STAG2: variants seen among roughly 807,000 people sequenced by gnomAD.
The protein encoded by STAG2 is STAG2 cohesin complex component.
Under a neutral mutation model 108.1 loss-of-function variants are expected in STAG2, and 14 were observed. That is an observed-to-expected ratio of 0.13 (90% CI 0.09 to 0.20). The LOEUF is 0.20. Among genes scored for constraint, STAG2 ranks in the 10% least tolerant of loss-of-function variants. STAG2 has a pLI of 1.00. For missense variants in STAG2, 440 were observed against 940.9 expected, an observed-to-expected ratio of 0.47 and a Z score of 6.96; for synonymous variants, 307 against 302.7, an observed-to-expected ratio of 1.01 and a Z score of -0.15.
intron 1 of STAG2, among the ~76,000 whole-genome samples, chrX:124,009,040 A>G (rs1694128875): frequency 8.9e-6 from 1 of 111,779 alleles, no homozygotes; most frequent in East Asian, 2.8e-4. Context: ...AGTAGAGTGT[A>G]CTTTCAAGTC....
At chrX:123,970,754 C>T (rs1174848018) in intron 1 of STAG2, among the ~76,000 whole-genome samples, 1 of 111,973 alleles carries the variant, frequency 8.9e-6, no homozygotes, top group Non-Finnish European at 1.9e-5. Context: ...TAAAAAGTCA[C>T]TGACAGTGAC....
intron 6 of STAG2, 48 bp from the exon 7 acceptor site, chrX:124,042,521 A>AT (rs750274139): frequency 3.6e-5 from 35 of 964,900 alleles, no homozygotes; most frequent in Middle Eastern, 2.7e-4. Flanking sequence ...AGTTTTCTTT[A>AT]TTTTTTTATC....
chrX:123,965,582 C>T (rs2054058296), intron 1 of STAG2, among the ~76,000 whole-genome samples: 1 of 111,560 alleles, frequency 9.0e-6, no homozygotes, highest in Non-Finnish European at 1.9e-5. Context: ...TAACTGATAC[C>T]ACCCACAGTC....
chrX:124,101,613 G>A lies in STAG2; in HGVS notation c.*1016G>A, dbSNP rs763624758. On this transcript the variant is annotated 3_prime_UTR_variant, in exon 35 of 35. Coordinates refer to ENST00000371145, the MANE Select transcript of STAG2 (RefSeq NM_001042750.2). ...GAAAGTTTAACAATGTTTAAAAATA[G>A]AAAAGCATGAGTGTTCATGCTTTAA... 1 of 160,128 alleles carries A rather than the reference G, an allele frequency of 6.2e-6. No individual in the cohort carries two copies. The highest frequency in any genetic ancestry group is 1.2e-5 in the Non-Finnish European group (1 of 82,932). The allele number at this position is 160,128 out of a possible 1,213,427, so 13.2% of individuals were successfully genotyped here. A position where few individuals can be genotyped will look rare whatever the true frequency, so the allele number is the denominator to read the frequency against.
intron 25 of STAG2, 76 bp downstream of exon 25, chrX:124,071,399 G>T: frequency 2.5e-6 from 2 of 799,948 alleles, no homozygotes; most frequent in Non-Finnish European, 3.5e-6. Context: ...ATGTACATCG[G>T]TGCACTAAAA....
intron 1 of STAG2, among the ~76,000 whole-genome samples, chrX:123,973,112 A>G (rs979004664): frequency 1.8e-5 from 2 of 110,817 alleles, no homozygotes; most frequent in East Asian, 2.8e-4. Context: ...TTTAAATACT[A>G]TATTGCTGGT....
intron 19 of STAG2, 42 bp from the exon 20 acceptor site, chrX:124,063,806 A>G (rs760843101): frequency 3.5e-6 from 4 of 1,145,532 alleles, no homozygotes; most frequent in East Asian, 6.0e-5. Flanking sequence ...TATACCTATC[A>G]TATATGCCTT....
intron 1 of STAG2, among the ~76,000 whole-genome samples, chrX:124,016,251 C>T (rs1451232956): frequency 9.0e-6 from 1 of 110,935 alleles, no homozygotes; most frequent in Non-Finnish European, 1.9e-5. Context: ...GCGATCCTCC[C>T]ACCTCAGCCT....
At chrX:124,036,293 C>T (rs754818153) in intron 5 of STAG2, among the ~76,000 whole-genome samples, 3 of 112,296 alleles carry the variant, frequency 2.7e-5, no homozygotes, top group South Asian at 3.6e-4. Flanking sequence ...ACATTTCCCT[C>T]TCCCAACCTT....
At chrX:123,992,530 C>A (rs1365611797) in intron 1 of STAG2, among the ~76,000 whole-genome samples, 1 of 109,837 alleles carries the variant, frequency 9.1e-6, no homozygotes, top group Admixed American at 9.8e-5. Context: ...GGGAGAGTTT[C>A]ATGGAACAAA....
At chrX:124,082,015 A>G (rs767729506) in intron 28 of STAG2, among the ~76,000 whole-genome samples, 2 of 112,352 alleles carry the variant, frequency 1.8e-5, no homozygotes, top group East Asian at 5.6e-4. Flanking sequence ...AAAATGAGTT[A>G]GGATTAAAAC....
chrX:124,002,480 G>A (rs1226017453), intron 1 of STAG2, among the ~76,000 whole-genome samples: 1 of 111,534 alleles, frequency 9.0e-6, no homozygotes, highest in African/African-American at 3.3e-5. Flanking sequence ...CTGTAGATAC[G>A]TTAGTGATGA....
At chrX:124,095,148 C>T (rs980282175) in intron 33 of STAG2, among the ~76,000 whole-genome samples, 7 of 111,779 alleles carry the variant, frequency 6.3e-5, no homozygotes, top group Non-Finnish European at 1.3e-4. Context: ...AGGATGGTCT[C>T]GATCTCCTGA....
chrX:123,996,574 A>G lies in STAG2; in HGVS notation c.-162-24793A>G, dbSNP rs1403625079. Among the ~76,000 whole-genome samples the G allele has an allele frequency of 3.6e-5, 4 of 111,363 alleles. No homozygotes were observed. The East Asian group carries it at 1.1e-3, about 31-fold the overall frequency. ...TTCCTCCCCAACCATAGCCCCTGGC[A>G]ACCACTGATTTCTTTCTCATTTATA... On this transcript the variant is annotated intron_variant, in intron 1 of 34. Transcript: ENST00000371145.
At chrX:124,024,820 G>A (rs2057042087) in intron 3 of STAG2, among the ~76,000 whole-genome samples, 1 of 111,631 alleles carries the variant, frequency 9.0e-6, no homozygotes, top group African/African-American at 3.3e-5. Context: ...CAGAGCTGGT[G>A]CTAGGTTTAC....
At chrX:124,027,454 A>ATT (rs997571639) in intron 4 of STAG2, among the ~76,000 whole-genome samples, 5 of 110,784 alleles carry the variant, frequency 4.5e-5, no homozygotes, top group Non-Finnish European at 7.6e-5. Context: ...TTAGAAAACC[A>ATT]TTTTTTTTCC....
At chrX:124,019,052 C>CTTTTTTTTT (rs751161706) in intron 1 of STAG2, among the ~76,000 whole-genome samples, 7 of 79,885 alleles carry the variant, frequency 8.8e-5, no homozygotes, top group African/African-American at 2.6e-4. Flanking sequence ...ATTTAGCACT[C>CTTTTTTTTT]TTTTTTTTTT....
chrX:123,981,665 T>C (rs1017983069), intron 1 of STAG2, among the ~76,000 whole-genome samples: 24 of 111,572 alleles, frequency 2.2e-4, no homozygotes, highest in Admixed American at 4.8e-4. Context: ...TGCATTCGAT[T>C]CTTTTGTGTA....
chrX:124,096,374 C>CT lies in STAG2; in HGVS notation c.3783+931dup, dbSNP rs1569522050. The stretch of plus-strand genomic sequence containing the variant: ...TCCTGACTCCATAACTTTGTATAAG[C>CT]TTTTTTCTGCCAGAAATTCCCCTTT... On this transcript the variant is annotated intron_variant, in intron 34 of 34. Transcript: ENST00000371145. Among the ~76,000 whole-genome samples the CT allele has an allele frequency of 5.4e-5, 6 of 111,370 alleles. No homozygotes were observed. In the South Asian group the frequency reaches 1.5e-3, roughly 28 times the overall value.
Sources: allele counts gnomAD v4.1 joint callset (sites outside exome capture counted in the v4.1 genomes callset), GRCh38; gene constraint gnomAD v4.1.1; transcripts MANE v1.5; gene names NCBI Gene and HGNC (gene_info 2026-07-23, HGNC 2026-07-21).